SPAG16: variants seen among roughly 807,000 people sequenced by gnomAD.
SPAG16 encodes sperm associated antigen 16.
Under a neutral mutation model 80.4 loss-of-function variants are expected in SPAG16, and 86 were observed. The ratio of observed to expected loss-of-function variants is 1.07; its 90% CI spans 0.90 to 1.28. SPAG16 has a LOEUF of 1.28. Ranked by LOEUF, SPAG16 falls within the 50% of genes most tolerant of loss-of-function variation. SPAG16 has a pLI of 0.00. For synonymous variants in SPAG16, 294 were observed against 265.9 expected, an observed-to-expected ratio of 1.11 and a Z score of -1.03; for missense variants, 870 against 765.3, an observed-to-expected ratio of 1.14 and a Z score of -1.61.
chr2:213,430,716 C>T (rs775361522), intron 9 of SPAG16, among the ~76,000 whole-genome samples: 1 of 152,062 alleles, frequency 6.6e-6, no homozygotes, highest in Non-Finnish European at 1.5e-5. Context: ...AATCTAGATA[C>T]AAGAGGACCA....
At chr2:214,098,930 A>G (rs998260582) in intron 13 of SPAG16, among the ~76,000 whole-genome samples, 2 of 151,908 alleles carry the variant, frequency 1.3e-5, no homozygotes, top group Non-Finnish European at 2.9e-5. Flanking sequence ...TTTGCCAGTT[A>G]CAGAAGTAGA....
At chr2:214,344,399 T>A (rs1359764067) in intron 15 of SPAG16, among the ~76,000 whole-genome samples, 1 of 152,194 alleles carries the variant, frequency 6.6e-6, no homozygotes, top group South Asian at 2.1e-4. Context: ...TTCCTTGCTT[T>A]TATAAATATG....
intron 9 of SPAG16, among the ~76,000 whole-genome samples, chr2:213,452,731 C>G (rs1399562487): frequency 6.6e-6 from 1 of 152,180 alleles, no homozygotes; most frequent in African/African-American, 2.4e-5. Flanking sequence ...GCAACAAACC[C>G]CCTTGTCTCT....
intron 5 of SPAG16, among the ~76,000 whole-genome samples, chr2:213,334,432 A>T (rs1179172234): frequency 1.3e-5 from 2 of 152,170 alleles, no homozygotes; most frequent in East Asian, 3.8e-4. Context: ...CTACCATATG[A>T]TCCAGCAATC....
chr2:213,731,741 T>C (rs1200662254), intron 10 of SPAG16, among the ~76,000 whole-genome samples: 1 of 152,202 alleles, frequency 6.6e-6, no homozygotes, highest in Non-Finnish European at 1.5e-5. Context: ...GTTAGTTTGC[T>C]AAGTATAATG....
At chr2:214,260,599 CT>C (rs1384212624) in intron 15 of SPAG16, among the ~76,000 whole-genome samples, 1 of 152,064 alleles carries the variant, frequency 6.6e-6, no homozygotes, top group Admixed American at 6.6e-5. Flanking sequence ...ATCTTAAGGA[CT>C]CCTATTAAGT....
At chr2:213,329,171 G>A (rs2063976264) in intron 5 of SPAG16, among the ~76,000 whole-genome samples, 1 of 152,170 alleles carries the variant, frequency 6.6e-6, no homozygotes, top group Admixed American at 6.5e-5. Flanking sequence ...CAGTAAATTG[G>A]TACCAGTATA....
chr2:214,132,746 T>C (rs2054841645), intron 14 of SPAG16, among the ~76,000 whole-genome samples: 2 of 152,072 alleles, frequency 1.3e-5, no homozygotes, highest in South Asian at 4.2e-4. Flanking sequence ...TTAAGGAAGA[T>C]GATAGGCAGG....
chr2:213,524,613 G>A (rs2075814103), intron 10 of SPAG16, among the ~76,000 whole-genome samples: 4 of 152,346 alleles, frequency 2.6e-5, no homozygotes, highest in Middle Eastern at 6.8e-3. Flanking sequence ...ACCTGGATGC[G>A]AGACATGGAG....
chr2:213,874,447 C>T (rs1365899000), intron 11 of SPAG16, among the ~76,000 whole-genome samples: 1 of 152,088 alleles, frequency 6.6e-6, no homozygotes, highest in Non-Finnish European at 1.5e-5. Context: ...AAGACACACA[C>T]ATTAGCCTAG....
chr2:214,406,775 G>C (rs1328772150), intron 15 of SPAG16, among the ~76,000 whole-genome samples: 2 of 152,118 alleles, frequency 1.3e-5, no homozygotes, highest in African/African-American at 4.8e-5. Flanking sequence ...TCATCCAACA[G>C]AGTGAAATGG....
chr2:213,300,129 C>T (rs1230789263), intron 3 of SPAG16, among the ~76,000 whole-genome samples: 1 of 152,140 alleles, frequency 6.6e-6, no homozygotes, highest in Non-Finnish European at 1.5e-5. Context: ...TACGTAATGA[C>T]TTCTAATTTT....
chr2:214,387,336 CT>C (rs1415633670), intron 15 of SPAG16, among the ~76,000 whole-genome samples: 26 of 152,230 alleles, frequency 1.7e-4, no homozygotes, highest in African/African-American at 6.0e-4. Context: ...GTTATTTCCA[CT>C]TTTAAAAATA....
chr2:213,853,931 T>A (rs1243254504), intron 10 of SPAG16, among the ~76,000 whole-genome samples: 2 of 152,074 alleles, frequency 1.3e-5, no homozygotes, highest in Non-Finnish European at 2.9e-5. Context: ...ATGCCCAGGG[T>A]CTAAAATGAG....
At chr2:213,508,521 G>A (rs1325697572) in intron 10 of SPAG16, among the ~76,000 whole-genome samples, 2 of 152,162 alleles carry the variant, frequency 1.3e-5, no homozygotes, top group Admixed American at 6.5e-5. Context: ...GCAGTGAGCC[G>A]AGATTGCGCC....
intron 11 of SPAG16, among the ~76,000 whole-genome samples, chr2:213,911,613 G>C (rs2077669550): frequency 6.6e-6 from 1 of 152,114 alleles, no homozygotes; most frequent in Non-Finnish European, 1.5e-5. Context: ...TCCCAAACTT[G>C]ATGATTATTT....
intron 15 of SPAG16, among the ~76,000 whole-genome samples, chr2:214,156,593 C>T (rs1348090467): frequency 6.6e-6 from 1 of 152,060 alleles, no homozygotes; most frequent in African/African-American, 2.4e-5. Flanking sequence ...GCCTGGACAA[C>T]ATAGCAAGAT....
intron 15 of SPAG16, among the ~76,000 whole-genome samples, chr2:214,267,564 A>G (rs930585766): frequency 3.3e-5 from 5 of 151,902 alleles, no homozygotes; most frequent in African/African-American, 1.2e-4. Flanking sequence ...CATAATGGGA[A>G]AATATCCATA....
intron 15 of SPAG16, among the ~76,000 whole-genome samples, chr2:214,322,817 A>C (rs1429074551): frequency 6.6e-6 from 1 of 152,146 alleles, no homozygotes; most frequent in African/African-American, 2.4e-5. Context: ...TAACCTTACA[A>C]TCACGCTGGG....
Sources: gnomAD v4.1 joint callset for allele counts (sites outside exome capture counted in the v4.1 genomes callset) on GRCh38, gnomAD v4.1.1 for gene constraint, MANE v1.5 for transcripts, NCBI Gene and HGNC (gene_info 2026-07-23, HGNC 2026-07-21) for gene names.